The following LRRC4C variants were observed in gnomAD, a reference collection of about 807,000 sequenced individuals.
LRRC4C encodes leucine-rich repeat-containing protein 4C.
Under a neutral mutation model 33.6 loss-of-function variants are expected in LRRC4C, and 5 were observed. That is an observed-to-expected ratio of 0.15 (90% CI 0.08 to 0.31). The LOEUF is 0.31. Ranked by LOEUF, LRRC4C falls within the 10% of genes least tolerant of loss-of-function variation. The pLI, the probability that LRRC4C is intolerant of heterozygous loss-of-function variation, is 1.00. For synonymous variants in LRRC4C, 329 were observed against 302.0 expected (o/e 1.09, Z -0.93); for missense variants, 560 against 796.7 (o/e 0.70, Z 3.58).
intron 1 of LRRC4C, among the ~76,000 whole-genome samples, chr11:41,407,650 A>T (rs1036695377): frequency 6.6e-6 from 1 of 152,094 alleles, no homozygotes; most frequent in Non-Finnish European, 1.5e-5. Context: ...TATAGAAAAC[A>T]CAGGAAATAT....
intron 4 of LRRC4C, among the ~76,000 whole-genome samples, chr11:40,248,723 C>T (rs1452468): frequency 0.75 from 113,749 of 151,572 alleles, 46,368 homozygotes; most frequent in East Asian, 0.96. Flanking sequence ...AAGAGTAGCA[C>T]CTCCACTTCA....
chr11:40,614,508 T>C (rs960578917), intron 3 of LRRC4C, among the ~76,000 whole-genome samples: 1 of 151,712 alleles, frequency 6.6e-6, no homozygotes, highest in African/African-American at 2.4e-5. Flanking sequence ...AATAAAGCTG[T>C]TTTGCTTTCT....
At chr11:40,331,718 C>T (rs1421426659) in intron 3 of LRRC4C, among the ~76,000 whole-genome samples, 2 of 152,128 alleles carry the variant, frequency 1.3e-5, no homozygotes, top group Non-Finnish European at 2.9e-5. Flanking sequence ...TCTTCTCCTG[C>T]CGTCAGATAT....
At chr11:41,445,186 A>T (rs893049967) in intron 1 of LRRC4C, among the ~76,000 whole-genome samples, 2 of 152,180 alleles carry the variant, frequency 1.3e-5, no homozygotes, top group African/African-American at 4.8e-5. Flanking sequence ...TTTAACATGC[A>T]ACCTTCGCTT....
intron 2 of LRRC4C, among the ~76,000 whole-genome samples, chr11:40,825,796 G>C (rs1276919442): frequency 6.6e-6 from 1 of 151,482 alleles, no homozygotes; most frequent in Non-Finnish European, 1.5e-5. Context: ...ATGTTGACTG[G>C]ATGACACAAA....
At chr11:41,215,813 A>T (rs1947036753) in intron 1 of LRRC4C, among the ~76,000 whole-genome samples, 1 of 152,182 alleles carries the variant, frequency 6.6e-6, no homozygotes, top group Non-Finnish European at 1.5e-5. Context: ...ATGCTGCCAT[A>T]AACATTTATG....
intron 2 of LRRC4C, among the ~76,000 whole-genome samples, chr11:40,909,878 C>T (rs1017775869): frequency 4.6e-5 from 7 of 152,122 alleles, no homozygotes; most frequent in African/African-American, 1.7e-4. Flanking sequence ...AAAGGCAACG[C>T]TTGAATATGA....
chr11:40,474,342 T>C (rs1953100759), intron 3 of LRRC4C, among the ~76,000 whole-genome samples: 1 of 152,182 alleles, frequency 6.6e-6, no homozygotes, highest in African/African-American at 2.4e-5. Context: ...AAAGATTCCC[T>C]ATTTAATAAA....
intron 1 of LRRC4C, among the ~76,000 whole-genome samples, chr11:41,386,235 G>A (rs1953355622): frequency 6.6e-6 from 1 of 151,628 alleles, no homozygotes; most frequent in Non-Finnish European, 1.5e-5. Context: ...AAACACACCA[G>A]CATTCTCAAT....
chr11:41,430,395 A>T (rs1043146725), intron 1 of LRRC4C, among the ~76,000 whole-genome samples: 2 of 152,080 alleles, frequency 1.3e-5, no homozygotes, highest in African/African-American at 4.8e-5. Flanking sequence ...AAAGTAATGG[A>T]CTTTTCTAAG....
chr11:41,079,869 A>G (rs2135476443), intron 1 of LRRC4C, among the ~76,000 whole-genome samples: 1 of 152,282 alleles, frequency 6.6e-6, no homozygotes, highest in Admixed American at 6.5e-5. Flanking sequence ...AATGTTGCCC[A>G]GGGAAGCCAA....
chr11:40,621,005 G>A (rs997491954), intron 3 of LRRC4C, among the ~76,000 whole-genome samples: 3 of 151,622 alleles, frequency 2.0e-5, no homozygotes, highest in African/African-American at 7.3e-5. Context: ...GTGAGGGCTG[G>A]AGAGTGCATA....
intron 2 of LRRC4C, among the ~76,000 whole-genome samples, chr11:40,831,748 C>T (rs879873786): frequency 3.9e-5 from 6 of 152,092 alleles, no homozygotes; most frequent in Non-Finnish European, 8.8e-5. Context: ...GGCAAGAGAG[C>T]ATGTGCAGGG....
intron 3 of LRRC4C, among the ~76,000 whole-genome samples, chr11:40,545,403 T>C (rs1363684522): frequency 1.3e-5 from 2 of 151,882 alleles, no homozygotes; most frequent in African/African-American, 4.8e-5. Context: ...GAAAGAGTGG[T>C]TTTTTACAGA....
At chr11:40,694,740 C>T (rs1282806311) in intron 2 of LRRC4C, among the ~76,000 whole-genome samples, 1 of 152,108 alleles carries the variant, frequency 6.6e-6, no homozygotes. Flanking sequence ...GGCAATGTCG[C>T]ACCTATACAT....
At chr11:41,237,052 G>A (rs1303676583) in intron 1 of LRRC4C, among the ~76,000 whole-genome samples, 1 of 152,102 alleles carries the variant, frequency 6.6e-6, no homozygotes, top group African/African-American at 2.4e-5. Flanking sequence ...CTCATAAAGA[G>A]GACCACCTAT....
In LRRC4C at chr11:40,978,621, A is replaced by T. The variant is rs1445523639; in HGVS notation, c.-495-44898T>A. On this transcript the variant is annotated intron_variant, in intron 1 of 6. Coordinates refer to ENST00000528697, the MANE Select transcript of LRRC4C (RefSeq NM_001258419.2). ...TTGTCTCATGCCCCTCTTTCTTTTT[A>T]CTGTTTTTTTTTTTTTTTGATATGG... Among the ~76,000 whole-genome samples, 7 of 146,028 alleles carry T rather than the reference A, an allele frequency of 4.8e-5. No individual in the cohort carries two copies. In the South Asian group the frequency reaches 8.9e-4, roughly 18 times the overall value.
chr11:41,132,519 A>T lies in LRRC4C; in HGVS notation c.-495-198796T>A, dbSNP rs531730914. ...AGAGTATTTTGTATAAGAGAAAAAAATTCTGATAATGACAAGTGAAATAAA... is the reference window on the plus strand; with the variant it reads ...AGAGTATTTTGTATAAGAGAAAAAATTTCTGATAATGACAAGTGAAATAAA... On this transcript the variant is annotated intron_variant, in intron 1 of 6. Transcript: ENST00000528697. 1.4e-4 allele frequency among the ~76,000 whole-genome samples: 22 copies of T among 152,240 alleles called. No homozygotes were observed. The South Asian group carries it at 3.9e-3, about 27-fold the overall frequency.
intron 1 of LRRC4C, among the ~76,000 whole-genome samples, chr11:41,147,399 T>C (rs1943775759): frequency 6.6e-6 from 1 of 152,224 alleles, no homozygotes; most frequent in Admixed American, 6.5e-5. Flanking sequence ...TTTACCTGTA[T>C]AATAAACCTG....
Sources: allele counts gnomAD v4.1 joint callset (sites outside exome capture counted in the v4.1 genomes callset), GRCh38; gene constraint gnomAD v4.1.1; transcripts MANE v1.5; gene names NCBI Gene and HGNC (gene_info 2026-07-23, HGNC 2026-07-21).